Variants in DNAAF5 observed in about 807,000 individuals in gnomAD.
The protein encoded by DNAAF5 is dynein axonemal assembly factor 5.
A neutral mutation model predicts 75.8 loss-of-function variants in DNAAF5; 64 were observed. The observed-to-expected ratio is 0.84, with a 90% CI of 0.69 to 1.04. DNAAF5 has a LOEUF of 1.04. Ranked by LOEUF, DNAAF5 falls within the 50% of genes least tolerant of loss-of-function variation. DNAAF5 has a pLI of 0.00. For missense variants in DNAAF5, 1,269 were observed against 1,178.5 expected (o/e 1.08, Z -1.12); for synonymous variants, 657 against 557.2 (o/e 1.18, Z -2.52).
chr7:777,423 C>T (rs557621772), intron 11 of DNAAF5, among the ~76,000 whole-genome samples: 1 of 152,222 alleles, frequency 6.6e-6, no homozygotes, highest in African/African-American at 2.4e-5. Flanking sequence ...GAACAACATC[C>T]ACTAAAAAAC....
chr7:771,965 T>A (rs1311833487), intron 9 of DNAAF5: 1 of 150,664 alleles, frequency 6.6e-6, no homozygotes, highest in Non-Finnish European at 1.5e-5. Context: ...TTTTTTTTTT[T>A]ATCCGTTTGG....
At chr7:734,265 G>A (rs1781667472) in intron 2 of DNAAF5, among the ~76,000 whole-genome samples, 1 of 152,148 alleles carries the variant, frequency 6.6e-6, no homozygotes, top group Non-Finnish European at 1.5e-5. Context: ...GTACTGAGGT[G>A]TGTTCCTTCT....
In DNAAF5 at chr7:779,941, C is replaced by T. The variant is rs114742749; in HGVS notation, c.2240-12C>T. ...TCTAGACTCACACACCTGTCTCGCT[C>T]CCTCCTTCCAGAACTCTTAAAACGC... On this transcript the variant is annotated splice_polypyrimidine_tract_variant and intron_variant, in intron 11 of 12. Transcript: ENST00000297440. The T allele has an allele frequency of 1.1e-3, 1,801 of 1,612,544 alleles. 18 individuals carry two copies. The African/African-American group carries it at 0.022, about 20-fold the overall frequency.
chr7:739,967 G>A (rs1225424426), intron 2 of DNAAF5, among the ~76,000 whole-genome samples: 1 of 152,222 alleles, frequency 6.6e-6, no homozygotes, highest in Non-Finnish European at 1.5e-5. Flanking sequence ...TTCATCCAAA[G>A]TGTCAGGAGG....
chr7:748,225 C>T (rs529829030), intron 4 of DNAAF5, among the ~76,000 whole-genome samples: 1 of 28,262 alleles, frequency 3.5e-5, no homozygotes, highest in African/African-American at 1.6e-4. Flanking sequence ...TGGTGGCCCA[C>T]GGTGTTGGTG....
intron 12 of DNAAF5, among the ~76,000 whole-genome samples, chr7:784,091 C>T (rs982936475): frequency 6.6e-6 from 1 of 152,134 alleles, no homozygotes; most frequent in Non-Finnish European, 1.5e-5. Context: ...CCGCCTTACC[C>T]CTCCTCGAGG....
In DNAAF5 at chr7:779,971, A is replaced by G. The variant is rs1355935327; in HGVS notation, c.2258A>G (p.Asp753Gly). ...CTTCCAGAACTCTTAAAACGCCTAG[A>G]TGACGTGTCCAACGATGTGAGGATG... Reference protein sequence around the residue: ...RIYPELLKRLDDVSNDVRMAA... With the variant: ...RIYPELLKRLGDVSNDVRMAA... Residue 753 changes from aspartate (D) to glycine (G), a missense_variant, in exon 12 of 13, where the codon GAT becomes GGT. By Grantham distance (94) the Asp-to-Gly change is moderately conservative. Coordinates refer to ENST00000297440, the MANE Select transcript of DNAAF5 (RefSeq NM_017802.4). 2.5e-6 allele frequency: 4 copies of G among 1,614,158 alleles called. No homozygotes were observed. Among genetic ancestry groups the G allele is most frequent in the Non-Finnish European group, 3.4e-6 (4 of 1,180,008 alleles).
chr7:733,119 A>G (rs767754131), intron 2 of DNAAF5, among the ~76,000 whole-genome samples: 2 of 152,106 alleles, frequency 1.3e-5, no homozygotes, highest in Non-Finnish European at 2.9e-5. Flanking sequence ...TGGCTTCTCT[A>G]TTCTGTTCCA....
rs1782405775 is a variant in DNAAF5 at position 754,079 on chromosome 7, CAT to C, written c.1025-508_1025-507del. 6.6e-6 allele frequency among the ~76,000 whole-genome samples: 1 copy of C among 151,958 alleles called. No individual in the cohort carries two copies. The highest frequency in any genetic ancestry group is 2.4e-5 in the African/African-American group (1 of 41,322). ...CTTCGCAGGCGTGTGTCTCTCTGAT[CAT>C]AGGGGGACGGCTTCGCAGGCGTGTC... On this transcript the variant is annotated intron_variant, in intron 4 of 12. Coordinates refer to ENST00000297440, the MANE Select transcript of DNAAF5 (RefSeq NM_017802.4). This position sits in a 1 kb window ranked among gnomAD's most constrained non-coding sequence, Gnocchi z 4.8.
intron 4 of DNAAF5, among the ~76,000 whole-genome samples, chr7:746,828 T>C (rs1782130211): frequency 6.6e-6 from 1 of 152,222 alleles, no homozygotes; most frequent in Non-Finnish European, 1.5e-5. Flanking sequence ...CCAGAACTGC[T>C]CATGGGCCCT....
In DNAAF5 at chr7:774,848, C is replaced by T. The variant is rs183523621; in HGVS notation, c.2083-158C>T. Among the ~76,000 whole-genome samples the T allele has an allele frequency of 2.0e-5, 3 of 152,330 alleles. No individual in the cohort carries two copies. The East Asian group carries it at 5.8e-4, about 29-fold the overall frequency. On this transcript the variant is annotated intron_variant, in intron 10 of 12. Coordinates refer to ENST00000297440, the MANE Select transcript of DNAAF5 (RefSeq NM_017802.4). ...AATCAAGTAAGCAAGTTAAAAATTG[C>T]TCAAAATCTAAATTTTACAATGAAG...
intron 8 of DNAAF5, among the ~76,000 whole-genome samples, chr7:768,014 C>T (rs1044667808): frequency 1.3e-5 from 2 of 151,010 alleles, no homozygotes; most frequent in African/African-American, 4.9e-5. Flanking sequence ...GCGGAAGTGT[C>T]CTTGCAGCGA....
At chr7:744,439 C>T (rs554441521) in intron 4 of DNAAF5, among the ~76,000 whole-genome samples, 18 of 152,312 alleles carry the variant, frequency 1.2e-4, no homozygotes, top group Non-Finnish European at 7.3e-5. Flanking sequence ...ATTTATAGTC[C>T]TTTGGGTATA....
At chr7:785,412 G>A (rs1779115021) in intron 12 of DNAAF5, 105 bp from the exon 13 acceptor site, 1 of 1,276,646 alleles carries the variant, frequency 7.8e-7, no homozygotes, top group East Asian at 2.3e-5. Flanking sequence ...ATTTGCAGAT[G>A]CTTTTACAGA....
chr7:739,908 G>A (rs916424978), intron 2 of DNAAF5, among the ~76,000 whole-genome samples: 3 of 152,164 alleles, frequency 2.0e-5, no homozygotes, highest in African/African-American at 7.2e-5. Flanking sequence ...CTGCACCTAC[G>A]ACTGGCTGTG....
chr7:745,646 C>T (rs904263407), intron 4 of DNAAF5, among the ~76,000 whole-genome samples: 3 of 150,974 alleles, frequency 2.0e-5, no homozygotes, highest in African/African-American at 7.4e-5. Flanking sequence ...TATCCTCACA[C>T]ACGTACACAC....
chr7:741,400 A>G lies in DNAAF5; in HGVS notation c.959A>G (p.Asn320Ser). 6.3e-7 allele frequency: 1 copy of G among 1,580,890 alleles called. No individual in the cohort carries two copies. Among genetic ancestry groups the G allele is most frequent in the East Asian group, 2.3e-5 (1 of 43,802 alleles). The change falls in exon 4 of 13, where the codon AAT becomes AGT. Residue 320 changes from asparagine to serine, a missense_variant. Coordinates refer to ENST00000297440, the MANE Select transcript of DNAAF5 (RefSeq NM_017802.4). ...EDVGLQWQKE[N>S]EEDLKDKLDF... ...GTTGGCCTGCAGTGGCAGAAGGAGA[A>G]TGAGGAGGACCTGAAGGACAAGCTG...
Position 740,016 on chromosome 7 carries a change from A to G in DNAAF5, c.781-803A>G, listed in dbSNP as rs192681420. Among the ~76,000 whole-genome samples, 499 of 152,088 alleles carry G rather than the reference A, an allele frequency of 3.3e-3. 3 individuals carry two copies. The highest frequency in any genetic ancestry group is 0.01 in the African/African-American group (434 of 41,484). ...CTCCCCACGGCCCAGCCAGGGACTG[A>G]TGGCACCACGGAGTCGGCCCCTGGC... On this transcript the variant is annotated intron_variant, in intron 2 of 12. Coordinates refer to ENST00000297440, the MANE Select transcript of DNAAF5 (RefSeq NM_017802.4).
At position 726,900 on chromosome 7, in the gene DNAAF5, A is replaced by G; in HGVS notation, c.180A>G (p.Pro60=). 1 of 1,344,908 alleles carries G rather than the reference A, an allele frequency of 7.4e-7. No homozygotes were observed. The highest frequency in any genetic ancestry group is 9.5e-7 in the Non-Finnish European group (1 of 1,047,978). 83.3% of individuals were successfully genotyped at this position (1,344,908 alleles called of 1,614,324 possible). ...LEALRRALEE[P]GPAADPTAFQ... ...CCCTGCGGCGCGCGCTGGAGGAGCCAGGCCCTGCCGCCGACCCCACCGCTT... is the reference window on the plus strand; with the variant it reads ...CCCTGCGGCGCGCGCTGGAGGAGCCGGGCCCTGCCGCCGACCCCACCGCTT... The change falls in exon 1 of 13, where the codon CCA becomes CCG. Residue 60 remains proline, a synonymous_variant. Transcript: ENST00000297440.
Sources: gnomAD v4.1 joint callset for allele counts (sites outside exome capture counted in the v4.1 genomes callset) on GRCh38, gnomAD v4.1.1 for gene constraint, Gnocchi (gnomAD v3.1) non-coding constraint, MANE v1.5 for transcripts, NCBI Gene and HGNC (gene_info 2026-07-23, HGNC 2026-07-21) for gene names.